LIMCH1: variants seen among roughly 807,000 people sequenced by gnomAD.
The protein encoded by LIMCH1 is LIM and calponin homology domains-containing protein 1.
A neutral mutation model predicts 176.5 loss-of-function variants in LIMCH1; 113 were observed. The ratio of observed to expected loss-of-function variants is 0.64; its 90% confidence interval spans 0.55 to 0.75. The LOEUF (loss-of-function observed/expected upper bound fraction) is 0.75, where lower values mean the gene tolerates loss of function less well. LIMCH1 is among the 30% of genes least tolerant of loss of function. LIMCH1 has a pLI of 0.00. For missense variants in LIMCH1, 1,674 were observed against 1,814.9 expected (o/e 0.92, Z 1.41); for synonymous variants, 619 against 645.9 (o/e 0.96, Z 0.63).
At chr4:41,620,305 T>C (rs746037375) in intron 6 of LIMCH1, 119 bp from the exon 7 acceptor site, 12 of 974,516 alleles carry the variant, frequency 1.2e-5, no homozygotes, top group Non-Finnish European at 1.8e-5. Context: ...GATTATATTG[T>C]GTGCTATGAC....
chr4:41,611,036 G>T (rs1053671030), intron 4 of LIMCH1, among the ~76,000 whole-genome samples: 2 of 152,206 alleles, frequency 1.3e-5, no homozygotes, highest in Admixed American at 6.5e-5. Flanking sequence ...TGCTGAACTG[G>T]TAAGTGTAAT....
At chr4:41,453,853 C>T (rs1002944727) in intron 1 of LIMCH1, among the ~76,000 whole-genome samples, 1 of 152,162 alleles carries the variant, frequency 6.6e-6, no homozygotes, top group Non-Finnish European at 1.5e-5. Context: ...AATCTCCAGC[C>T]TGAGTGCCTC....
intron 1 of LIMCH1, among the ~76,000 whole-genome samples, chr4:41,451,232 C>G (rs1388114596): frequency 6.6e-6 from 1 of 152,114 alleles, no homozygotes; most frequent in African/African-American, 2.4e-5. Context: ...TCTCCTGCCT[C>G]AGCCTCCCGA....
intron 1 of LIMCH1, among the ~76,000 whole-genome samples, chr4:41,415,906 G>A (rs771576975): frequency 3.3e-5 from 5 of 151,972 alleles, no homozygotes; most frequent in Non-Finnish European, 7.4e-5. Flanking sequence ...GAACCCGGGA[G>A]GTGGAGGTTG....
At chr4:41,429,122 G>T (rs1476227738) in intron 1 of LIMCH1, among the ~76,000 whole-genome samples, 2 of 152,190 alleles carry the variant, frequency 1.3e-5, no homozygotes, top group Non-Finnish European at 2.9e-5. Flanking sequence ...TTGAGTGGCT[G>T]TGCTGAATTC....
intron 1 of LIMCH1, among the ~76,000 whole-genome samples, chr4:41,569,388 C>T (rs1372252628): frequency 6.6e-6 from 1 of 152,148 alleles, no homozygotes; most frequent in African/African-American, 2.4e-5. Context: ...AGAAAGTGCA[C>T]ATTTTGCCCG....
rs1216027224 is a variant in LIMCH1 at position 41,524,324 on chromosome 4, A to G, written c.168-85A>G. The G allele has an allele frequency of 4.6e-5, 46 of 1,001,610 alleles. No individual in the cohort carries two copies. In the East Asian group the frequency reaches 9.3e-4, roughly 20 times the overall value. 62.0% of individuals were successfully genotyped at this position (1,001,610 alleles called of 1,614,324 possible). A position where few individuals can be genotyped will look rare whatever the true frequency, so the allele number is the denominator to read the frequency against. On this transcript the variant is annotated intron_variant, in intron 2 of 26. Coordinates refer to the LIMCH1 transcript ENST00000313860. ...AATTCACTGCTTTTCCTATCCAGCA[A>G]TTTAGCTGTAGCCCCGGATAAAGGT...
At chr4:41,525,544 A>T (rs1485611349) in intron 3 of LIMCH1, among the ~76,000 whole-genome samples, 3 of 152,276 alleles carry the variant, frequency 2.0e-5, no homozygotes, top group African/African-American at 7.2e-5. Context: ...TGTTTTCTTT[A>T]AGAACTGCTA....
At position 41,646,200 on chromosome 4, in the gene LIMCH1, G is replaced by A. The variant is rs749316551; in HGVS notation, c.2331G>A (p.Met777Ile). Reference protein sequence around the residue: ...LIKKEEERKKMEKLLAGEDGT... With the variant: ...LIKKEEERKKIEKLLAGEDGT... ...AGAAAGAGGAAGAAAGGAAAAAAAT[G>A]GAGAAGTTACTGGCTGGAGAAGATG... The change falls in exon 16 of 32, where the codon ATG (methionine) becomes ATA (isoleucine). Residue 777 changes from methionine to isoleucine, a missense_variant. Physicochemically the swap from Met to Ile is conservative, Grantham distance 10. Transcript: ENST00000503057. The A allele has an allele frequency of 4.3e-6, 7 of 1,614,112 alleles. No individual in the cohort carries two copies. The highest frequency in any genetic ancestry group is 5.9e-6 in the Non-Finnish European group (7 of 1,179,976).
chr4:41,674,908 G>A (rs2095165582), intron 22 of LIMCH1, among the ~76,000 whole-genome samples: 1 of 152,088 alleles, frequency 6.6e-6, no homozygotes, highest in African/African-American at 2.4e-5. Flanking sequence ...CACCTAAGCT[G>A]GGGACCATCT....
chr4:41,483,795 C>T (rs1357745332), intron 1 of LIMCH1, among the ~76,000 whole-genome samples: 2 of 152,220 alleles, frequency 1.3e-5, no homozygotes, highest in African/African-American at 4.8e-5. Flanking sequence ...ACTCAAATGT[C>T]AGCCGCTCAA....
At chr4:41,514,809 G>T (rs1460775790) in intron 2 of LIMCH1, among the ~76,000 whole-genome samples, 1 of 152,164 alleles carries the variant, frequency 6.6e-6, no homozygotes, top group East Asian at 1.9e-4. Context: ...TGCTATGCCT[G>T]TCCTTAGTTT....
At chr4:41,648,390 T>TTA (rs1369467465) in intron 17 of LIMCH1, among the ~76,000 whole-genome samples, 2 of 152,088 alleles carry the variant, frequency 1.3e-5, no homozygotes, top group Non-Finnish European at 1.5e-5. Flanking sequence ...TGGAGCAAGG[T>TTA]GGTATGGCGG....
In LIMCH1 at chr4:41,684,609, G is replaced by A. The variant is rs1420000627; in HGVS notation, c.3967+91G>A. ...AAAGCTATGATCTCTGCTGGCTGCA[G>A]GCTTCTCTCTAAGGGCCCTGGACTT... On this transcript the variant is annotated intron_variant, in intron 27 of 31. Coordinates refer to ENST00000503057, the MANE Select transcript of LIMCH1 (RefSeq NM_001330672.2). The A allele has an allele frequency of 4.1e-6, 6 of 1,450,164 alleles. No individual in the cohort carries two copies. The East Asian group carries it at 1.1e-4, about 28-fold the overall frequency. 89.8% of individuals were successfully genotyped at this position (1,450,164 alleles called of 1,614,324 possible). A position where few individuals can be genotyped will look rare whatever the true frequency, so the allele number is the denominator to read the frequency against.
chr4:41,400,418 G>A (rs1368504268), intron 1 of LIMCH1, among the ~76,000 whole-genome samples: 1 of 152,072 alleles, frequency 6.6e-6, no homozygotes, highest in African/African-American at 2.4e-5. Context: ...GTCGGGGAAG[G>A]TATCTATTTT....
At chr4:41,522,112 CTCAG>C (rs1462251461) in intron 2 of LIMCH1, among the ~76,000 whole-genome samples, 4 of 152,070 alleles carry the variant, frequency 2.6e-5, no homozygotes, top group African/African-American at 7.2e-5. Context: ...AAGCTCAGAT[CTCAG>C]TCTGTCTGGT....
intron 17 of LIMCH1, among the ~76,000 whole-genome samples, chr4:41,650,136 A>G (rs555799171): frequency 1.4e-4 from 22 of 152,324 alleles, no homozygotes; most frequent in African/African-American, 5.3e-4. Context: ...AGCAGACCAT[A>G]AATGAGGTGA....
intron 1 of LIMCH1, among the ~76,000 whole-genome samples, chr4:41,559,231 C>T (rs936289690): frequency 6.6e-6 from 1 of 152,056 alleles, no homozygotes; most frequent in Admixed American, 6.6e-5. Flanking sequence ...ATCAAAAGTC[C>T]AGCTTCAAGT....
Position 41,626,988 on chromosome 4 carries a change from A to T in LIMCH1, c.1006A>T (p.Lys336Ter). ...SKQLSKGISK[K>*]RSLEYKRNQG... ...ACAGCTCTCAAAGGGAATCTCAAAAAAAAGAAGTCTAGAATATAAAAGGTG... is the reference window on the plus strand; with the variant it reads ...ACAGCTCTCAAAGGGAATCTCAAAATAAAGAAGTCTAGAATATAAAAGGTG... Residue 336 changes from lysine (K) to a stop codon, truncating the protein, a stop_gained, in exon 8 of 32, where the codon AAA (lysine) becomes TAA (stop). Transcript: ENST00000503057. LOFTEE classifies it high-confidence loss of function. 1.3e-6 allele frequency: 2 copies of T among 1,534,710 alleles called. No homozygotes were observed. Among genetic ancestry groups the T allele is most frequent in the Non-Finnish European group, 1.7e-6 (2 of 1,146,714 alleles).
Sources: allele counts gnomAD v4.1 joint callset (sites outside exome capture counted in the v4.1 genomes callset), GRCh38; gene constraint gnomAD v4.1.1; transcripts MANE v1.5; gene names NCBI Gene and HGNC (gene_info 2026-07-23, HGNC 2026-07-21).